The following SEPTIN11 variants were observed in gnomAD, a reference collection of about 807,000 sequenced individuals.
The protein encoded by SEPTIN11 is septin-11.
In SEPTIN11, 25 loss-of-function variants were observed where a neutral mutation model predicts 51.4. The ratio of observed to expected loss-of-function variants is 0.49; its 90% confidence interval spans 0.35 to 0.68. SEPTIN11 has a LOEUF of 0.68. Ranked by LOEUF, SEPTIN11 falls within the 30% of genes least tolerant of loss-of-function variation. The pLI, the probability that SEPTIN11 is intolerant of heterozygous loss-of-function variation, is 0.00. For synonymous variants in SEPTIN11, 174 were observed against 184.1 expected (o/e 0.95, Z 0.44); for missense variants, 381 against 520.8 (o/e 0.73, Z 2.61).
intron 1 of SEPTIN11, among the ~76,000 whole-genome samples, chr4:76,953,726 A>G (rs947158702): frequency 6.6e-6 from 1 of 152,220 alleles, no homozygotes; most frequent in African/African-American, 2.4e-5. Flanking sequence ...TTATTAAGGA[A>G]TGCAAGAAGT....
rs987628204 is a variant in SEPTIN11 at position 77,015,041 on chromosome 4, A to G, written c.687+24A>G. On this transcript the variant is annotated intron_variant, in intron 5 of 9. Coordinates refer to ENST00000264893, the MANE Select transcript of SEPTIN11 (RefSeq NM_018243.4). ...GTGTAAGTCCTCAAGTCAAATGGGA[A>G]CAAGTGATTTTTATGAACGCCTGTC... 4 of 1,607,894 alleles carry G rather than the reference A, an allele frequency of 2.5e-6. No homozygotes were observed. The Admixed American group carries it at 6.7e-5, about 27-fold the overall frequency.
chr4:76,973,262 C>T (rs922254341), intron 1 of SEPTIN11, among the ~76,000 whole-genome samples: 1 of 152,172 alleles, frequency 6.6e-6, no homozygotes, highest in Non-Finnish European at 1.5e-5. Context: ...TTTGCTGCTA[C>T]CCACCAGGAT....
intron 1 of SEPTIN11, among the ~76,000 whole-genome samples, chr4:76,991,732 T>C (rs904030): frequency 0.52 from 79,316 of 151,742 alleles, 21,558 homozygotes; most frequent in Middle Eastern, 0.62. Context: ...ATGGTATTGA[T>C]GACTTTTATC....
At chr4:77,034,414 T>G in intron 9 of SEPTIN11, 83 bp from the exon 10 acceptor site, 1 of 1,217,494 alleles carries the variant, frequency 8.2e-7, no homozygotes, top group Non-Finnish European at 1.1e-6. Context: ...CATCACTGAA[T>G]GCTGGTGCTG....
intron 2 of SEPTIN11, among the ~76,000 whole-genome samples, chr4:77,002,406 A>G (rs942702100): frequency 6.6e-6 from 1 of 152,230 alleles, no homozygotes; most frequent in Non-Finnish European, 1.5e-5. Context: ...CTTTATTGCT[A>G]TTCTTAGGGA....
intron 1 of SEPTIN11, among the ~76,000 whole-genome samples, chr4:76,995,084 C>A (rs1578156727): frequency 2.1e-5 from 2 of 96,384 alleles, no homozygotes; most frequent in African/African-American, 3.3e-5. Context: ...AACCCTGTCT[C>A]TAAAAAAAAA....
chr4:76,983,089 CT>C (rs1472150002), intron 1 of SEPTIN11, among the ~76,000 whole-genome samples: 1 of 152,158 alleles, frequency 6.6e-6, no homozygotes, highest in African/African-American at 2.4e-5. Context: ...TCCCAGCCCC[CT>C]GGTGTACACG....
intron 9 of SEPTIN11, chr4:77,031,172 C>A: frequency 3.7e-6 from 2 of 534,978 alleles, no homozygotes; most frequent in Non-Finnish European, 6.5e-6. Context: ...TAAAACTTTA[C>A]CACAATTGAC....
chr4:77,011,748 G>C lies in SEPTIN11; in HGVS notation c.352G>C (p.Val118Leu), dbSNP rs138558365. The change falls in exon 4 of 10, where the codon GTA becomes CTA. Residue 118 changes from valine to leucine, a missense_variant. Val to Leu is a conservative substitution (Grantham distance 32). Coordinates refer to ENST00000264893, the MANE Select transcript of SEPTIN11 (RefSeq NM_018243.4). ...TCTGCATTCTAGCTATAAGCCGATAGTAGAATATATTGATGCCCAGTTCGA... is the reference window on the plus strand; with the variant it reads ...TCTGCATTCTAGCTATAAGCCGATACTAGAATATATTGATGCCCAGTTCGA... ...INKDDSYKPI[V>L]EYIDAQFEAY... The C allele has an allele frequency of 4.3e-6, 7 of 1,613,912 alleles. No individual in the cohort carries two copies. Among genetic ancestry groups the C allele is most frequent in the African/African-American group, 1.3e-5 (1 of 74,918 alleles).
At chr4:76,978,451 C>T (rs1482027870) in intron 1 of SEPTIN11, among the ~76,000 whole-genome samples, 1 of 152,144 alleles carries the variant, frequency 6.6e-6, no homozygotes, top group East Asian at 1.9e-4. Flanking sequence ...ACATCACTCT[C>T]TGGTTTATAA....
In SEPTIN11 at chr4:77,036,960, C is replaced by A. The variant is rs1727075810; in HGVS notation, c.*2448C>A. On this transcript the variant is annotated 3_prime_UTR_variant, in exon 10 of 10. Coordinates refer to ENST00000264893, the MANE Select transcript of SEPTIN11 (RefSeq NM_018243.4). ...GGCAGGAAGGTAATGGTTTGAGTAG[C>A]CTTTGTTTAAAAAAAAGACTAAATA... 4 of 1,273,058 alleles carry A rather than the reference C, an allele frequency of 3.1e-6. No individual in the cohort carries two copies. The highest frequency in any genetic ancestry group is 1.6e-5 in the African/African-American group (1 of 64,294). The allele number at this position is 1,273,058 out of a possible 1,614,324, so 78.9% of individuals were successfully genotyped here.
intron 2 of SEPTIN11, among the ~76,000 whole-genome samples, chr4:77,004,791 C>T (rs28657683): frequency 0.011 from 1,624 of 152,102 alleles, 31 homozygotes; most frequent in African/African-American, 0.036. Context: ...GGTGAAACCC[C>T]GTCTCTACTA....
chr4:77,039,585 G>T, downstream of SEPTIN11: 1 of 985,214 alleles, frequency 1.0e-6, no homozygotes, highest in Non-Finnish European at 1.2e-6. Flanking sequence ...CAGGTCATAA[G>T]ATCCGAGCAA....
At chr4:76,997,715 T>C (rs374531927) in intron 2 of SEPTIN11, among the ~76,000 whole-genome samples, 133 of 152,336 alleles carry the variant, frequency 8.7e-4, no homozygotes, top group African/African-American at 3.1e-3. Flanking sequence ...GAATGGCAGC[T>C]AGTTCTACAG....
intron 2 of SEPTIN11, among the ~76,000 whole-genome samples, chr4:77,000,819 C>T (rs1226002716): frequency 6.6e-6 from 1 of 152,154 alleles, no homozygotes; most frequent in Non-Finnish European, 1.5e-5. Flanking sequence ...GAGTATGTTT[C>T]ATCAAAGGTG....
chr4:76,988,692 G>T (rs1723179797), intron 1 of SEPTIN11, among the ~76,000 whole-genome samples: 1 of 152,156 alleles, frequency 6.6e-6, no homozygotes, highest in Non-Finnish European at 1.5e-5. Flanking sequence ...TTTGTTTTGA[G>T]GATATAAATC....
chr4:76,967,894 C>A (rs1223558353), intron 1 of SEPTIN11, among the ~76,000 whole-genome samples: 1 of 152,082 alleles, frequency 6.6e-6, no homozygotes, highest in Non-Finnish European at 1.5e-5. Flanking sequence ...AGGACAACAT[C>A]AACATTTTTG....
intron 4 of SEPTIN11, 139 bp from the exon 5 acceptor site, chr4:77,014,717 A>T: frequency 1.2e-6 from 1 of 805,660 alleles, no homozygotes; most frequent in Non-Finnish European, 1.9e-6. Flanking sequence ...GGGGTACATG[A>T]GATGTTTTGA....
intron 7 of SEPTIN11, among the ~76,000 whole-genome samples, chr4:77,027,490 C>T (rs1726252050): frequency 6.6e-6 from 1 of 152,170 alleles, no homozygotes; most frequent in Non-Finnish European, 1.5e-5. Context: ...ATGTGTGTAT[C>T]TACATGCACG....
Sources: allele counts gnomAD v4.1 joint callset (sites outside exome capture counted in the v4.1 genomes callset), GRCh38; gene constraint gnomAD v4.1.1; transcripts MANE v1.5; gene names NCBI Gene and HGNC (gene_info 2026-07-23, HGNC 2026-07-21).